The following POU6F2 variants were observed in gnomAD, a reference collection of about 807,000 sequenced individuals.
The protein encoded by POU6F2 is POU domain, class 6, transcription factor 2.
A neutral mutation model predicts 71.3 loss-of-function variants in POU6F2; 31 were observed. The ratio of observed to expected loss-of-function variants is 0.43; its 90% CI spans 0.33 to 0.59. POU6F2 has a LOEUF of 0.59. Among genes scored for constraint, POU6F2 ranks in the 20% least tolerant of loss-of-function variants. POU6F2 has a pLI of 0.04. For synonymous variants in POU6F2, 347 were observed against 355.7 expected (o/e 0.98, Z 0.27); for missense variants, 783 against 856.8 (o/e 0.91, Z 1.07).
At chr7:39,064,096 T>G (rs1790710675) in intron 1 of POU6F2, among the ~76,000 whole-genome samples, 1 of 152,044 alleles carries the variant, frequency 6.6e-6, no homozygotes, top group Non-Finnish European at 1.5e-5. Flanking sequence ...TTGAAGCCAA[T>G]TAGATATGAA....
intron 7 of POU6F2, among the ~76,000 whole-genome samples, chr7:39,441,579 A>C (rs961924486): frequency 7.9e-5 from 12 of 152,242 alleles, no homozygotes; most frequent in Non-Finnish European, 1.0e-4. Context: ...CTAAAAGAGA[A>C]ACCCAGAGTG....
At position 39,464,889 on chromosome 7, in the gene POU6F2, A is replaced by G. The variant is rs1306193249; in HGVS notation, c.*203A>G. The G allele has an allele frequency of 1.4e-6, 1 of 723,906 alleles. No individual in the cohort carries two copies. Among genetic ancestry groups the G allele is most frequent in the Admixed American group, 3.2e-5 (1 of 30,830 alleles). 44.8% of individuals were successfully genotyped at this position (723,906 alleles called of 1,614,324 possible). A position where few individuals can be genotyped will look rare whatever the true frequency, so the allele number is the denominator to read the frequency against. On this transcript the variant is annotated 3_prime_UTR_variant, in exon 10 of 10. Coordinates refer to ENST00000518318, the MANE Select transcript of POU6F2 (RefSeq NM_001370959.1). The surrounding 1 kb of genome is among the most constrained non-coding windows in gnomAD (Gnocchi z 4.1). ...CCGTTGGTTTTCCAAAAAGGAAAGA[A>G]GAAAATTTTTAGAAAATTTTTAAAC... is the stretch of plus-strand genomic sequence containing the variant.
intron 8 of POU6F2, among the ~76,000 whole-genome samples, chr7:39,453,537 A>G (rs2282917): frequency 0.33 from 50,068 of 152,084 alleles, 9,088 homozygotes; most frequent in East Asian, 0.58. Flanking sequence ...ACAGTGTTTC[A>G]CACAAGGTAA....
intron 7 of POU6F2, among the ~76,000 whole-genome samples, chr7:39,450,120 A>G (rs1562557288): frequency 6.6e-6 from 1 of 152,212 alleles, no homozygotes; most frequent in Non-Finnish European, 1.5e-5. Context: ...ATCTCAATAA[A>G]GTTGAATGAA....
intron 1 of POU6F2, among the ~76,000 whole-genome samples, chr7:38,989,954 T>C (rs546161911): frequency 2.3e-3 from 344 of 152,216 alleles, no homozygotes; most frequent in Non-Finnish European, 4.2e-3. Flanking sequence ...GGAACTCTTT[T>C]ATCTTTTGAT....
At chr7:39,121,084 T>C (rs1386384193) in intron 2 of POU6F2, among the ~76,000 whole-genome samples, 1 of 152,208 alleles carries the variant, frequency 6.6e-6, no homozygotes, top group African/African-American at 2.4e-5. Flanking sequence ...ATTTTAGTTC[T>C]ATATAACAGA....
At chr7:39,290,756 G>T (rs1784739315) in intron 4 of POU6F2, among the ~76,000 whole-genome samples, 2 of 152,084 alleles carry the variant, frequency 1.3e-5, no homozygotes, top group African/African-American at 4.8e-5. Context: ...GTGACTACCT[G>T]TCCTCCTTCA....
At chr7:39,078,062 T>G (rs1584531125) in intron 1 of POU6F2, among the ~76,000 whole-genome samples, 1 of 152,158 alleles carries the variant, frequency 6.6e-6, no homozygotes, top group Admixed American at 6.5e-5. Flanking sequence ...TAGAGATGAG[T>G]GAGGGTTTGC....
At chr7:39,016,995 C>A (rs1789568027) in intron 1 of POU6F2, among the ~76,000 whole-genome samples, 1 of 152,190 alleles carries the variant, frequency 6.6e-6, no homozygotes, top group Admixed American at 6.5e-5. Flanking sequence ...GTCATAAATG[C>A]CTTTGGGAGG....
At chr7:39,188,784 T>G (rs534230583) in intron 2 of POU6F2, among the ~76,000 whole-genome samples, 6 of 152,238 alleles carry the variant, frequency 3.9e-5, no homozygotes, top group Non-Finnish European at 7.3e-5. Flanking sequence ...TTCAGTCACA[T>G]TATCCTAAGG....
intron 2 of POU6F2, among the ~76,000 whole-genome samples, chr7:39,185,866 TA>T (rs1793529104): frequency 6.7e-6 from 1 of 148,516 alleles, no homozygotes; most frequent in African/African-American, 2.5e-5. Context: ...TGTATATATG[TA>T]TATATGTATA....
chr7:39,440,566 T>C (rs1338298889), intron 7 of POU6F2, among the ~76,000 whole-genome samples: 1 of 152,258 alleles, frequency 6.6e-6, no homozygotes, highest in Non-Finnish European at 1.5e-5. Context: ...AAACTGGTTA[T>C]GCTAGTTAGC....
chr7:39,430,325 C>G (rs1283975248), intron 6 of POU6F2, among the ~76,000 whole-genome samples: 2 of 152,190 alleles, frequency 1.3e-5, no homozygotes. Flanking sequence ...CCTGACCCCC[C>G]ACCTCCACCT....
intron 6 of POU6F2, among the ~76,000 whole-genome samples, chr7:39,417,668 T>C (rs917894426): frequency 2.0e-5 from 3 of 152,136 alleles, no homozygotes; most frequent in African/African-American, 7.2e-5. Context: ...ACTCCCTAGA[T>C]GAGATACTTG....
chr7:39,239,468 T>G (rs1030238792), intron 4 of POU6F2, among the ~76,000 whole-genome samples: 1 of 152,168 alleles, frequency 6.6e-6, no homozygotes, highest in East Asian at 1.9e-4. Flanking sequence ...TGCAGAAATA[T>G]TAATGTGCTT....
intron 1 of POU6F2, among the ~76,000 whole-genome samples, chr7:39,029,926 C>T (rs1488515122): frequency 1.3e-5 from 2 of 152,018 alleles, no homozygotes; most frequent in African/African-American, 4.8e-5. Context: ...ATATACACTA[C>T]TAGATTCTGC....
intron 2 of POU6F2, among the ~76,000 whole-genome samples, chr7:39,153,231 G>C (rs1414837615): frequency 6.6e-6 from 1 of 152,132 alleles, no homozygotes. Flanking sequence ...GGGTTGAAGA[G>C]CAATACTGAG....
chr7:39,316,917 A>G (rs1345271686), intron 4 of POU6F2, among the ~76,000 whole-genome samples: 1 of 152,138 alleles, frequency 6.6e-6, no homozygotes, highest in African/African-American at 2.4e-5. Context: ...ATTCTCTTTC[A>G]AGTCTTTCAC....
intron 2 of POU6F2, among the ~76,000 whole-genome samples, chr7:39,094,962 T>C (rs1397752697): frequency 6.6e-6 from 1 of 152,122 alleles, no homozygotes; most frequent in Non-Finnish European, 1.5e-5. Flanking sequence ...TCCCAAAATA[T>C]TGCAAAATAG....
Sources: allele counts gnomAD v4.1 joint callset (sites outside exome capture counted in the v4.1 genomes callset), GRCh38; gene constraint gnomAD v4.1.1; non-coding constraint Gnocchi (gnomAD v3.1); transcripts MANE v1.5; gene names NCBI Gene and HGNC (gene_info 2026-07-23, HGNC 2026-07-21).